Variants in VWA2 observed in about 807,000 individuals in gnomAD.
VWA2 encodes von Willebrand factor A domain containing 2, also known as von Willebrand factor A domain-containing protein 2.
A neutral mutation model predicts 70.4 loss-of-function variants in VWA2; 73 were observed. That is an observed-to-expected ratio of 1.04 (90% CI 0.86 to 1.26). The LOEUF is 1.26. Ranked by LOEUF, VWA2 falls within the 50% of genes most tolerant of loss-of-function variation. The probability of loss-of-function intolerance (pLI) is 0.00; values close to 1 mark genes in which losing one functional copy is unlikely to be tolerated. For missense variants in VWA2, 1,011 were observed against 998.5 expected (o/e 1.01, Z -0.17); for synonymous variants, 407 against 423.3 (o/e 0.96, Z 0.47).
At chr10:114,286,610 T>C in intron 11 of VWA2, 99 bp downstream of exon 11, 5 of 1,061,318 alleles carry the variant, frequency 4.7e-6, no homozygotes, top group East Asian at 2.6e-5. Flanking sequence ...GTGCCTCTTC[T>C]AGGGGCTGAA....
In VWA2 at chr10:114,292,831, G is replaced by C. The variant is rs896247826; in HGVS notation, c.*1594G>C. On this transcript the variant is annotated 3_prime_UTR_variant, in exon 14 of 14. Coordinates refer to ENST00000392982, the MANE Select transcript of VWA2 (RefSeq NM_001272046.2). ...AGTGATTCTCATGCCTCAGCCTCTT[G>C]AGTAGCTGGGATTAGAGGCAGGTGC... Among the ~76,000 whole-genome samples the C allele has an allele frequency of 2.6e-5, 4 of 151,980 alleles. No individual in the cohort carries two copies. The highest frequency in any genetic ancestry group is 9.7e-5 in the African/African-American group (4 of 41,378).
intron 1 of VWA2, among the ~76,000 whole-genome samples, chr10:114,239,983 CTCGCCCTTTGAATAAAGGCT>C (rs967229934): frequency 1.2e-4 from 19 of 152,330 alleles, no homozygotes; most frequent in Middle Eastern, 3.4e-3. Context: ...CGGAAAGGGA[CTCGCCCTTTGAATAAAGGCT>C]TTGGTGACAT....
chr10:114,241,727 A>G (rs2036977345), intron 1 of VWA2, among the ~76,000 whole-genome samples: 1 of 152,188 alleles, frequency 6.6e-6, no homozygotes, highest in Non-Finnish European at 1.5e-5. Flanking sequence ...AATTTCATGT[A>G]ATTATAGCAA....
Position 114,256,592 on chromosome 10 carries a change from G to A in VWA2, c.261+1544G>A, listed in dbSNP as rs971669699. ...AAATATTTTCTGGATTTTGAATCACGTGAACCTACTCAAAAGTCAACTTAA... is the reference window on the plus strand; with the variant it reads ...AAATATTTTCTGGATTTTGAATCACATGAACCTACTCAAAAGTCAACTTAA... On this transcript the variant is annotated intron_variant, in intron 4 of 13. Transcript: ENST00000392982. Among the ~76,000 whole-genome samples, 3 of 152,116 alleles carry A rather than the reference G, an allele frequency of 2.0e-5. No individual in the cohort carries two copies. The South Asian group carries it at 6.2e-4, about 31-fold the overall frequency.
intron 12 of VWA2, chr10:114,289,759 A>G (rs2039368856): frequency 2.0e-6 from 1 of 512,036 alleles, no homozygotes; most frequent in South Asian, 2.2e-5. Flanking sequence ...AACAGAACAC[A>G]CTTTTAGAAT....
In VWA2 at chr10:114,261,211, G is replaced by A. The variant is rs557089135; in HGVS notation, c.287G>A (p.Ser96Asn). 1.9e-6 allele frequency: 3 copies of A among 1,614,098 alleles called. No homozygotes were observed. The highest frequency in any genetic ancestry group is 2.7e-5 in the African/African-American group (2 of 75,042). ...GTCAGAGTGGGAGCATTCCAGTTCA[G>A]TTCCACTCCTCATCTGGAATTCCCC... ...ERVRVGAFQF[S>N]STPHLEFPLD... Residue 96 changes from serine (S) to asparagine (N), a missense_variant, in exon 5 of 14, where the codon AGT becomes AAT. Physicochemically the swap from Ser to Asn is conservative, Grantham distance 46. Coordinates refer to ENST00000392982, the MANE Select transcript of VWA2 (RefSeq NM_001272046.2).
chr10:114,286,248 G>T lies in VWA2; in HGVS notation c.1307G>T (p.Ser436Ile), dbSNP rs1434044713. Residue 436 changes from serine (S) to isoleucine (I), a missense_variant, in exon 11 of 14, where the codon AGC becomes ATC. Coordinates refer to ENST00000392982, the MANE Select transcript of VWA2 (RefSeq NM_001272046.2). ...CAGGCGGCAGAGCGTGGCTTCGGGAGCGCCACCAGGACAGGCCAGGACCGG... is the reference window on the plus strand; with the variant it reads ...CAGGCGGCAGAGCGTGGCTTCGGGATCGCCACCAGGACAGGCCAGGACCGG... ...LRQAAERGFG[S>I]ATRTGQDRPR... 17 of 1,612,874 alleles carry T rather than the reference G, an allele frequency of 1.1e-5. No homozygotes were observed. The highest frequency in any genetic ancestry group is 1.4e-5 in the Non-Finnish European group (16 of 1,179,616).
At chr10:114,261,438 A>G (rs2037443377) in intron 5 of VWA2, 143 bp downstream of exon 5, 9 of 561,432 alleles carry the variant, frequency 1.6e-5, no homozygotes, top group Admixed American at 3.1e-5. Context: ...AGTTGGTCAC[A>G]TGAATTCCAT....
rs900086489 is a variant in VWA2, at chr10:114,294,017, T to C, written c.*2780T>C. 2.0e-5 allele frequency among the ~76,000 whole-genome samples: 3 copies of C among 152,230 alleles called. No homozygotes were observed. Among genetic ancestry groups the C allele is most frequent in the African/African-American group, 7.2e-5 (3 of 41,472 alleles). Reference sequence around the variant, plus strand: ...AGTGTTTATTACATGTTGAGATTTATGGTATGCTTTTTCTTCCTCAAGATA... The same window carrying C: ...AGTGTTTATTACATGTTGAGATTTACGGTATGCTTTTTCTTCCTCAAGATA... On this transcript the variant is annotated 3_prime_UTR_variant, in exon 14 of 14. Transcript: ENST00000392982.
intron 5 of VWA2, among the ~76,000 whole-genome samples, 192 bp downstream of exon 5, chr10:114,261,487 A>G (rs2037444517): frequency 6.6e-6 from 1 of 152,162 alleles, no homozygotes; most frequent in African/African-American, 2.4e-5. Context: ...ATAATGTCCC[A>G]GGTAGGAATT....
At chr10:114,256,921 A>T (rs967898708) in intron 4 of VWA2, among the ~76,000 whole-genome samples, 4 of 151,702 alleles carry the variant, frequency 2.6e-5, no homozygotes, top group African/African-American at 9.7e-5. Flanking sequence ...AAAAAAAAAA[A>T]AAAAAAAAAA....
At chr10:114,278,941 A>C (rs147176000) in intron 8 of VWA2, 90 bp downstream of exon 8, 3 of 1,563,570 alleles carry the variant, frequency 1.9e-6, no homozygotes, top group Non-Finnish European at 2.6e-6. Context: ...GGGCCCTGCC[A>C]TGGAGATTGT....
At chr10:114,260,083 G>A (rs1301324290) in intron 4 of VWA2, among the ~76,000 whole-genome samples, 2 of 152,212 alleles carry the variant, frequency 1.3e-5, no homozygotes, top group Non-Finnish European at 2.9e-5. Flanking sequence ...TGGCCCATTT[G>A]CACTCTTGGC....
intron 1 of VWA2, chr10:114,246,564 C>T: frequency 3.1e-6 from 3 of 961,010 alleles, no homozygotes; most frequent in Non-Finnish European, 4.9e-6. Flanking sequence ...CTGACTGTAA[C>T]AGAGGGACCC....
intron 2 of VWA2, among the ~76,000 whole-genome samples, chr10:114,250,965 A>G (rs2037183299): frequency 6.6e-6 from 1 of 152,238 alleles, no homozygotes; most frequent in South Asian, 2.1e-4. Context: ...AGGCCCTGTG[A>G]CATGCCCAAG....
At chr10:114,246,825 C>A in intron 1 of VWA2, 1 of 891,204 alleles carries the variant, frequency 1.1e-6, no homozygotes, top group African/African-American at 1.6e-5. Context: ...ATCTAGAGCG[C>A]TACAAGAAAT....
chr10:114,286,132 G>A lies in VWA2; in HGVS notation c.1191G>A (p.Val397=), dbSNP rs780096018. 1.2e-6 allele frequency: 2 copies of A among 1,614,114 alleles called. No individual in the cohort carries two copies. Among genetic ancestry groups the A allele is most frequent in the Non-Finnish European group, 1.7e-6 (2 of 1,180,038 alleles). The change falls in exon 11 of 14, where the codon GTG becomes GTA. Residue 397 remains valine (V), a synonymous_variant. Transcript: ENST00000392982. ...YSRELLVAVP[V]GEYQDVPDLV... ...GGGAGCTGCTGGTGGCGGTGCCTGT[G>A]GGGGAGTACCAGGATGTGCCTGACC... is the stretch of plus-strand genomic sequence containing the variant.
At chr10:114,271,596 A>C (rs1046925468) in intron 5 of VWA2, among the ~76,000 whole-genome samples, 1 of 143,342 alleles carries the variant, frequency 7.0e-6, no homozygotes, top group Admixed American at 6.8e-5. Flanking sequence ...TCAGACTTGC[A>C]TGAGAAGTAA....
Position 114,282,469 on chromosome 10 carries a change from C to T in VWA2, c.834-47C>T, listed in dbSNP as rs114297704. On this transcript the variant is annotated intron_variant, in intron 8 of 13. Transcript: ENST00000392982. ...AAATCATCTTCTGTTTTCTGCCCTC[C>T]CCTTACACCTCTGATCTGTCTATAA... The T allele has an allele frequency of 3.2e-3, 4,740 of 1,487,482 alleles. 103 individuals carry two copies. In the African/African-American group the frequency reaches 0.053, roughly 16 times the overall value. 92.1% of individuals were successfully genotyped at this position (1,487,482 alleles called of 1,614,324 possible). A position where few individuals can be genotyped will look rare whatever the true frequency, so the allele number is the denominator to read the frequency against.
Sources: gnomAD v4.1 joint callset for allele counts (sites outside exome capture counted in the v4.1 genomes callset) on GRCh38, gnomAD v4.1.1 for gene constraint, MANE v1.5 for transcripts, NCBI Gene and HGNC (gene_info 2026-07-23, HGNC 2026-07-21) for gene names.